Variants in RSU1 observed in about 807,000 individuals in gnomAD.
The protein encoded by RSU1 is Ras suppressor protein 1.
RSU1 carries 26 observed loss-of-function variants against 31.1 expected under a neutral mutation model. The ratio of observed to expected loss-of-function variants is 0.84; its 90% CI spans 0.61 to 1.16. The LOEUF (loss-of-function observed/expected upper bound fraction) is 1.16. Ranked by LOEUF, RSU1 falls within the 50% of genes most tolerant of loss-of-function variation. The probability of loss-of-function intolerance (pLI) is 0.00; values close to 1 mark genes in which losing one functional copy is unlikely to be tolerated. For synonymous variants in RSU1, 164 were observed against 136.3 expected (o/e 1.20, Z -1.41); for missense variants, 320 against 339.1 (o/e 0.94, Z 0.44).
At chr10:16,663,314 C>T (rs369663045) in intron 8 of RSU1, among the ~76,000 whole-genome samples, 1 of 152,130 alleles carries the variant, frequency 6.6e-6, no homozygotes, top group Non-Finnish European at 1.5e-5. Context: ...CCTTTTCATG[C>T]TTTCAGAGTG....
At chr10:16,766,244 C>T (rs1474792678) in intron 3 of RSU1, among the ~76,000 whole-genome samples, 3 of 152,204 alleles carry the variant, frequency 2.0e-5, no homozygotes, top group Middle Eastern at 3.2e-3. Context: ...AAGTTTTCAT[C>T]GGGTAATCTA....
chr10:16,663,383 T>C (rs1170949008), intron 8 of RSU1, among the ~76,000 whole-genome samples: 1 of 152,164 alleles, frequency 6.6e-6, no homozygotes, highest in Non-Finnish European at 1.5e-5. Context: ...TGGATTACTA[T>C]TTAAGGTTGT....
intron 2 of RSU1, among the ~76,000 whole-genome samples, chr10:16,792,544 A>G (rs1476340851): frequency 6.6e-6 from 1 of 152,034 alleles, no homozygotes; most frequent in Non-Finnish European, 1.5e-5. Context: ...GCTTTTTCAC[A>G]CCTCTTGTGG....
At position 16,782,202 on chromosome 10, in the gene RSU1, C is replaced by T. The variant is rs1442211544; in HGVS notation, c.110-118G>A. Reference sequence around the variant, plus strand: ...ATTTTCACAGGTTGAAGCACTATCGCTCACCAAAATAGAAGCTAGGATTCA... The same window carrying T: ...ATTTTCACAGGTTGAAGCACTATCGTTCACCAAAATAGAAGCTAGGATTCA... On this transcript the variant is annotated intron_variant, in intron 2 of 8. Coordinates refer to ENST00000345264, the MANE Select transcript of RSU1 (RefSeq NM_012425.4). 6 of 722,544 alleles carry T rather than the reference C, an allele frequency of 8.3e-6. No homozygotes were observed. In the East Asian group the frequency reaches 1.3e-4, roughly 15 times the overall value. The allele number at this position is 722,544 out of a possible 1,614,324, so 44.8% of individuals were successfully genotyped here. A position where few individuals can be genotyped will look rare whatever the true frequency, so the allele number is the denominator to read the frequency against.
chr10:16,758,276 A>G (rs1837137426), intron 4 of RSU1, among the ~76,000 whole-genome samples: 1 of 152,226 alleles, frequency 6.6e-6, no homozygotes, highest in South Asian at 2.1e-4. Context: ...TCCGGACACC[A>G]GTCCAGGTGG....
rs373777602 is a variant in RSU1 at position 16,741,009 on chromosome 10, A to G, written c.598+11530T>C. ...CACAGGCCTCAAAATAGCTAAAACA[A>G]TCTTGAAAAAGAATAACAAAGTTGA... On this transcript the variant is annotated intron_variant, in intron 7 of 8. Transcript: ENST00000345264. 3.7e-4 allele frequency among the ~76,000 whole-genome samples: 56 copies of G among 152,348 alleles called. No homozygotes were observed. The East Asian group carries it at 7.7e-3, about 21-fold the overall frequency.
chr10:16,707,929 A>G (rs1835938748), intron 7 of RSU1, among the ~76,000 whole-genome samples: 2 of 151,936 alleles, frequency 1.3e-5, no homozygotes, highest in South Asian at 2.1e-4. Context: ...ATTCTTTTGC[A>G]TGTTGATATC....
chr10:16,769,664 T>A (rs1837383346), intron 3 of RSU1, among the ~76,000 whole-genome samples: 1 of 152,224 alleles, frequency 6.6e-6, no homozygotes, highest in Non-Finnish European at 1.5e-5. Flanking sequence ...ATGTTGCTGG[T>A]CTGGGAACCC....
chr10:16,660,645 CTTTTT>C (rs796601054), intron 8 of RSU1, among the ~76,000 whole-genome samples: 4 of 79,542 alleles, frequency 5.0e-5, no homozygotes, highest in South Asian at 5.8e-4. Flanking sequence ...CTTGAACTCT[CTTTTT>C]TTTTTTTTTT....
intron 2 of RSU1, among the ~76,000 whole-genome samples, chr10:16,801,623 C>CA (rs1470622730): frequency 2.6e-5 from 4 of 152,022 alleles, no homozygotes; most frequent in African/African-American, 9.7e-5. Context: ...CATTCATAGA[C>CA]ATAGACCACA....
chr10:16,758,644 G>T (rs889576446), intron 4 of RSU1, among the ~76,000 whole-genome samples: 1 of 152,190 alleles, frequency 6.6e-6, no homozygotes, highest in African/African-American at 2.4e-5. Flanking sequence ...GAGAGGATAA[G>T]AGAGAAAATA....
At chr10:16,685,585 G>A (rs972929291) in intron 8 of RSU1, among the ~76,000 whole-genome samples, 2 of 152,150 alleles carry the variant, frequency 1.3e-5, no homozygotes, top group Non-Finnish European at 2.9e-5. Flanking sequence ...CTGTCATGGC[G>A]CTGATGGGAG....
At chr10:16,669,096 A>T (rs1478870558) in intron 8 of RSU1, among the ~76,000 whole-genome samples, 1 of 152,180 alleles carries the variant, frequency 6.6e-6, no homozygotes, top group African/African-American at 2.4e-5. Flanking sequence ...GTTTCTGTTA[A>T]GAGGAACATT....
intron 7 of RSU1, among the ~76,000 whole-genome samples, chr10:16,714,561 G>C (rs901617264): frequency 6.6e-6 from 1 of 152,132 alleles, no homozygotes; most frequent in African/African-American, 2.4e-5. Flanking sequence ...TTGGCTGACT[G>C]TTCAGTGACT....
intron 8 of RSU1, among the ~76,000 whole-genome samples, chr10:16,655,714 G>A (rs908897841): frequency 4.6e-5 from 7 of 152,066 alleles, no homozygotes; most frequent in African/African-American, 1.7e-4. Context: ...CAAGCTTTTG[G>A]GTGCCATTTT....
chr10:16,757,040 GTGTGTGTGTGGGTGTGTTTGTACACGGTA>G (rs1837104879), intron 4 of RSU1, among the ~76,000 whole-genome samples: 1 of 147,572 alleles, frequency 6.8e-6, no homozygotes, highest in Admixed American at 6.8e-5. Context: ...TGTGTGTGTG[GTGTGTGTGTGGGTGTGTTTGTACACGGTA>G]TGTGTGTGTG....
Position 16,593,215 on chromosome 10 carries a change from C to G in RSU1, c.*179G>C. Reference sequence around the variant, plus strand: ...TGGAAATGGTTTAAAGACCTTATAACAATCTCCCACCTAGCAAAAGAATCT... The same window carrying G: ...TGGAAATGGTTTAAAGACCTTATAAGAATCTCCCACCTAGCAAAAGAATCT... On this transcript the variant is annotated 3_prime_UTR_variant, in exon 9 of 9. Coordinates refer to ENST00000345264, the MANE Select transcript of RSU1 (RefSeq NM_012425.4). 8.2e-7 allele frequency: 1 copy of G among 1,223,292 alleles called. No homozygotes were observed. The highest frequency in any genetic ancestry group is 1.1e-6 in the Non-Finnish European group (1 of 912,850). 75.8% of individuals were successfully genotyped at this position (1,223,292 alleles called of 1,614,324 possible).
intron 3 of RSU1, among the ~76,000 whole-genome samples, chr10:16,779,539 A>G (rs568415376): frequency 6.6e-6 from 1 of 152,292 alleles, no homozygotes; most frequent in Non-Finnish European, 1.5e-5. Context: ...CCATGAGTAC[A>G]TAAGTGGAAA....
intron 2 of RSU1, among the ~76,000 whole-genome samples, chr10:16,786,355 T>C (rs547754937): frequency 6.6e-6 from 1 of 152,342 alleles, no homozygotes; most frequent in East Asian, 1.9e-4. Context: ...AGCTGGCTTA[T>C]TAGTCCTTTC....
Sources: gnomAD v4.1 joint callset for allele counts (sites outside exome capture counted in the v4.1 genomes callset) on GRCh38, gnomAD v4.1.1 for gene constraint, MANE v1.5 for transcripts, NCBI Gene and HGNC (gene_info 2026-07-23, HGNC 2026-07-21) for gene names.